The following RHBDL2 variants were observed in gnomAD, a reference collection of about 807,000 sequenced individuals.
RHBDL2 encodes the protein rhomboid like 2.
Under a neutral mutation model 31.7 loss-of-function variants are expected in RHBDL2, and 26 were observed. That is an observed-to-expected ratio of 0.82 (90% CI 0.60 to 1.14). The LOEUF (loss-of-function observed/expected upper bound fraction) is 1.14, where lower values mean the gene tolerates loss of function less well. RHBDL2 is among the 50% of genes most tolerant of loss of function. The pLI is 0.00. For synonymous variants in RHBDL2, 123 were observed against 127.2 expected, an observed-to-expected ratio of 0.97 and a Z score of 0.22; for missense variants, 336 against 364.4, an observed-to-expected ratio of 0.92 and a Z score of 0.63.
intron 4 of RHBDL2, among the ~76,000 whole-genome samples, chr1:38,905,893 C>G (rs1643059195): frequency 6.6e-6 from 1 of 151,672 alleles, no homozygotes. Context: ...TAATGAAACC[C>G]CATCTCTACT....
intron 3 of RHBDL2, among the ~76,000 whole-genome samples, chr1:38,912,920 G>A (rs1470465206): frequency 4.3e-4 from 24 of 55,512 alleles, no homozygotes; most frequent in South Asian, 1.5e-3. Context: ...ATGTGTGTGT[G>A]TGTGTGTGTG....
At chr1:38,907,127 TG>T (rs1344384328) in intron 4 of RHBDL2, among the ~76,000 whole-genome samples, 26 of 152,346 alleles carry the variant, frequency 1.7e-4, no homozygotes, top group Admixed American at 1.5e-3. Flanking sequence ...TTTTTTATAA[TG>T]GTGTAAAAGC....
intron 1 of RHBDL2, among the ~76,000 whole-genome samples, chr1:38,930,056 G>A (rs905654030): frequency 1.3e-5 from 2 of 152,174 alleles, no homozygotes; most frequent in South Asian, 2.1e-4. Context: ...AGTAAGGGCA[G>A]CTAAGGTAGA....
chr1:38,886,792 T>C lies in RHBDL2; in HGVS notation c.733-109A>G. 4 of 872,206 alleles carry C rather than the reference T, an allele frequency of 4.6e-6. No homozygotes were observed. The East Asian group carries it at 1.1e-4, about 24-fold the overall frequency. The allele number at this position is 872,206 out of a possible 1,614,324, so 54.0% of individuals were successfully genotyped here. On this transcript the variant is annotated intron_variant, in intron 7 of 7. Transcript: ENST00000372990. Reference sequence around the variant, plus strand: ...AAATACCGTCACAGTTAAACAAGAGTCTTAAAGGTCTAGAGAACTAGGGGT... The same window carrying C: ...AAATACCGTCACAGTTAAACAAGAGCCTTAAAGGTCTAGAGAACTAGGGGT...
At position 38,886,310 on chromosome 1, in the gene RHBDL2, T is replaced by C. The variant is rs1642783684; in HGVS notation, c.*194A>G. 1 of 374,288 alleles carries C rather than the reference T, an allele frequency of 2.7e-6. No individual in the cohort carries two copies. The highest frequency in any genetic ancestry group is 4.6e-5 in the Admixed American group (1 of 21,616). 23.2% of individuals were successfully genotyped at this position (374,288 alleles called of 1,614,324 possible). A position where few individuals can be genotyped will look rare whatever the true frequency, so the allele number is the denominator to read the frequency against. Reference sequence around the variant, plus strand: ...CTCTCTTCTTCTTCCCTTTCTACATTAAGAAGCCCCTTCCTTAAATCCTAA... The same window carrying C: ...CTCTCTTCTTCTTCCCTTTCTACATCAAGAAGCCCCTTCCTTAAATCCTAA... On this transcript the variant is annotated 3_prime_UTR_variant, in exon 8 of 8. Transcript: ENST00000372990.
Position 38,912,900 on chromosome 1 carries a change from ATATATATATATGTGTG to A in RHBDL2, c.396-1482_396-1467del, listed in dbSNP as rs1386158457. 9.5e-4 allele frequency among the ~76,000 whole-genome samples: 94 copies of A among 98,490 alleles called. 1 individual carries two copies. The highest frequency in any genetic ancestry group is 0.01 in the Middle Eastern group (2 of 192). 64.6% of individuals were successfully genotyped at this position (98,490 alleles called of 152,430 possible). ...CCATATACCATATATATATATATAT[ATATATATATATGTGTG>A]TGTGTGTGTGTGTGTGTGTGTGTGT... On this transcript the variant is annotated intron_variant, in intron 3 of 7. Transcript: ENST00000372990.
intron 1 of RHBDL2, among the ~76,000 whole-genome samples, chr1:38,930,034 C>T (rs1289819216): frequency 1.3e-5 from 2 of 152,206 alleles, no homozygotes; most frequent in Non-Finnish European, 2.9e-5. Flanking sequence ...GCAAAGCACA[C>T]TTGACATCAG....
chr1:38,939,421 G>A (rs990621429), intron 1 of RHBDL2, among the ~76,000 whole-genome samples: 2 of 152,040 alleles, frequency 1.3e-5, no homozygotes, highest in African/African-American at 4.8e-5. Context: ...CCACACTTTG[G>A]GAGGCCAAGG....
intron 1 of RHBDL2, among the ~76,000 whole-genome samples, chr1:38,938,920 A>C (rs1643536239): frequency 6.6e-6 from 1 of 152,346 alleles, no homozygotes; most frequent in East Asian, 1.9e-4. Context: ...AGTCCATGGA[A>C]TGCATCAGTA....
intron 4 of RHBDL2, among the ~76,000 whole-genome samples, chr1:38,905,333 G>A (rs980967179): frequency 1.3e-5 from 2 of 151,940 alleles, no homozygotes; most frequent in Non-Finnish European, 2.9e-5. Context: ...CCATAGTGCT[G>A]GGATTATAGG....
chr1:38,901,890 C>T (rs895645023), intron 4 of RHBDL2, among the ~76,000 whole-genome samples: 1 of 150,456 alleles, frequency 6.6e-6, no homozygotes, highest in Non-Finnish European at 1.5e-5. Context: ...CTGATAGAAC[C>T]ACAGGAGAAA....
In RHBDL2 at chr1:38,911,627, TGTGTGTGTGTGTGTGTGTGC is replaced by T. The variant is rs778135981; in HGVS notation, c.396-213_396-194del. On this transcript the variant is annotated intron_variant, in intron 3 of 7. Coordinates refer to ENST00000372990, the MANE Select transcript of RHBDL2 (RefSeq NM_017821.5). ...CTGTGTGTGTGTGTGTGTGTGTGTG[TGTGTGTGTGTGTGTGTGTGC>T]GCGCGCGCGCGCGTGTGTGACTTGC... 5.3e-4 allele frequency among the ~76,000 whole-genome samples: 67 copies of T among 127,562 alleles called. 1 individual carries two copies. Among genetic ancestry groups the T allele is most frequent in the African/African-American group, 1.8e-3 (62 of 35,340 alleles). The allele number at this position is 127,562 out of a possible 152,430, so 83.7% of individuals were successfully genotyped here.
chr1:38,911,242 C>G, intron 4 of RHBDL2, 80 bp downstream of exon 4: 1 of 905,322 alleles, frequency 1.1e-6, no homozygotes, highest in South Asian at 1.4e-5. Context: ...TTAAAGAAGC[C>G]TACTATAAGT....
chr1:38,928,692 C>T (rs1021939915), intron 1 of RHBDL2, among the ~76,000 whole-genome samples: 3 of 152,108 alleles, frequency 2.0e-5, no homozygotes, highest in Non-Finnish European at 4.4e-5. Context: ...GTGATCCACC[C>T]GCCTCGGCAT....
Position 38,910,397 on chromosome 1 carries a change from T to C in RHBDL2, c.508+925A>G, listed in dbSNP as rs528043985. ...AGGCATTATTTCTAACAACTGCATGTAAATCTACAATTATCGCAAAATTAA... is the reference window on the plus strand; with the variant it reads ...AGGCATTATTTCTAACAACTGCATGCAAATCTACAATTATCGCAAAATTAA... On this transcript the variant is annotated intron_variant, in intron 4 of 7. Transcript: ENST00000372990. Among the ~76,000 whole-genome samples, 59 of 152,356 alleles carry C rather than the reference T, an allele frequency of 3.9e-4. 1 individual carries two copies. In the South Asian group the frequency reaches 0.012, roughly 31 times the overall value.
intron 1 of RHBDL2, among the ~76,000 whole-genome samples, chr1:38,924,746 TA>T (rs147691007): frequency 0.1 from 15,005 of 146,858 alleles, 781 homozygotes; most frequent in South Asian, 0.13. Flanking sequence ...TTGACTACCT[TA>T]AAAAAAAAAT....
intron 5 of RHBDL2, 141 bp from the exon 6 acceptor site, chr1:38,893,365 C>T (rs1021065137): frequency 4.0e-5 from 20 of 502,936 alleles, no homozygotes; most frequent in African/African-American, 2.5e-4. Flanking sequence ...GTGTCACAGC[C>T]GAGTTTTTAA....
chr1:38,887,196 G>A (rs1366626385), intron 7 of RHBDL2, among the ~76,000 whole-genome samples: 1 of 152,090 alleles, frequency 6.6e-6, no homozygotes, highest in Non-Finnish European at 1.5e-5. Flanking sequence ...TTTCATTGCT[G>A]TTTTCCAATC....
chr1:38,905,337 T>G (rs1263142462), intron 4 of RHBDL2, among the ~76,000 whole-genome samples: 1 of 151,982 alleles, frequency 6.6e-6, no homozygotes, highest in African/African-American at 2.4e-5. Context: ...AGTGCTGGGA[T>G]TATAGGCATG....
Sources: allele counts gnomAD v4.1 joint callset (sites outside exome capture counted in the v4.1 genomes callset), GRCh38; gene constraint gnomAD v4.1.1; transcripts MANE v1.5; gene names NCBI Gene and HGNC (gene_info 2026-07-23, HGNC 2026-07-21).